Variants in TINAG observed in about 807,000 individuals in gnomAD.
TINAG encodes tubulointerstitial nephritis antigen.
In TINAG, 83 loss-of-function variants were observed where a neutral mutation model predicts 72.7. That is an observed-to-expected ratio of 1.14 (90% CI 0.96 to 1.37). The LOEUF is 1.37. Ranked by LOEUF, TINAG falls within the 40% of genes most tolerant of loss-of-function variation. TINAG has a pLI of 0.00. For synonymous variants in TINAG, 234 were observed against 189.9 expected, an observed-to-expected ratio of 1.23 and a Z score of -1.91; for missense variants, 685 against 576.6, an observed-to-expected ratio of 1.19 and a Z score of -1.93.
At chr6:54,372,734 A>ATG (rs1421837140) in intron 9 of TINAG, among the ~76,000 whole-genome samples, 1 of 4,638 alleles carries the variant, frequency 2.2e-4, no homozygotes, top group Non-Finnish European at 5.5e-4. Flanking sequence ...ATACATATAT[A>ATG]TATATATATA....
chr6:54,349,814 A>T lies in TINAG; in HGVS notation c.998A>T (p.His333Leu). The change falls in exon 7 of 11, where the codon CAT becomes CTT. Residue 333 changes from histidine (H) to leucine (L), a missense_variant. His to Leu is a moderately conservative substitution (Grantham distance 99, BLOSUM62 -3). Coordinates refer to ENST00000259782, the MANE Select transcript of TINAG (RefSeq NM_014464.4). ...ASRSDGRGKR[H>L]ATKPCPNNVE... ...AGGTCTGATGGGCGAGGAAAACGGCATGCCACGAAGCCATGTCCCAACAAC... is the reference window on the plus strand; with the variant it reads ...AGGTCTGATGGGCGAGGAAAACGGCTTGCCACGAAGCCATGTCCCAACAAC... The T allele has an allele frequency of 6.2e-7, 1 of 1,611,386 alleles. No homozygotes were observed. The highest frequency in any genetic ancestry group is 8.5e-7 in the Non-Finnish European group (1 of 1,178,308).
chr6:54,362,550 G>A (rs940482625), intron 9 of TINAG, among the ~76,000 whole-genome samples: 2 of 151,640 alleles, frequency 1.3e-5, no homozygotes, highest in African/African-American at 4.8e-5. Flanking sequence ...TGATGGAGAT[G>A]TACAAGGAGA....
At chr6:54,384,712 A>T (rs1409342088) in intron 10 of TINAG, among the ~76,000 whole-genome samples, 2 of 152,158 alleles carry the variant, frequency 1.3e-5, no homozygotes, top group South Asian at 2.1e-4. Context: ...TTCCAAAAAA[A>T]CATACACCAA....
chr6:54,360,849 T>TTTG (rs1763210069), intron 9 of TINAG, among the ~76,000 whole-genome samples: 1 of 102,490 alleles, frequency 9.8e-6, no homozygotes, highest in African/African-American at 3.9e-5. Flanking sequence ...GTGTTTTTTT[T>TTTG]TTTTTTTTTT....
intron 9 of TINAG, among the ~76,000 whole-genome samples, chr6:54,359,929 A>G (rs1011540215): frequency 1.3e-5 from 2 of 151,816 alleles, no homozygotes; most frequent in Non-Finnish European, 1.5e-5. Context: ...ACTCCTAAGA[A>G]GTACCTAACT....
intron 10 of TINAG, among the ~76,000 whole-genome samples, chr6:54,383,195 T>C (rs1375203185): frequency 6.6e-6 from 1 of 152,104 alleles, no homozygotes; most frequent in African/African-American, 2.4e-5. Context: ...TAGAATATTT[T>C]TGGGAGAAGT....
intron 4 of TINAG, among the ~76,000 whole-genome samples, chr6:54,342,033 A>C (rs556952222): frequency 6.6e-6 from 1 of 152,202 alleles, no homozygotes; most frequent in East Asian, 1.9e-4. Context: ...ACACTTTCAA[A>C]ACTTGAAAGA....
At chr6:54,377,447 G>A (rs1265405688) in intron 9 of TINAG, among the ~76,000 whole-genome samples, 1 of 152,092 alleles carries the variant, frequency 6.6e-6, no homozygotes, top group Admixed American at 6.6e-5. Context: ...GGGAGGCGGA[G>A]TTTGCTATGA....
chr6:54,366,720 TA>T (rs1763434013), intron 9 of TINAG, among the ~76,000 whole-genome samples: 1 of 151,502 alleles, frequency 6.6e-6, no homozygotes, highest in East Asian at 1.9e-4. Flanking sequence ...GGAAGGCACA[TA>T]ATTCCAAATC....
chr6:54,332,673 G>C (rs1330398281), intron 4 of TINAG, among the ~76,000 whole-genome samples: 2 of 152,144 alleles, frequency 1.3e-5, no homozygotes, highest in Non-Finnish European at 2.9e-5. Flanking sequence ...TCATCAGAGT[G>C]AACAGGCAAC....
At chr6:54,360,957 G>A (rs1763217759) in intron 9 of TINAG, among the ~76,000 whole-genome samples, 1 of 139,986 alleles carries the variant, frequency 7.1e-6, no homozygotes, top group Non-Finnish European at 1.5e-5. Flanking sequence ...TTGAGTCTCT[G>A]TGTTACATTT....
chr6:54,374,307 A>G (rs1453260578), intron 9 of TINAG, among the ~76,000 whole-genome samples: 1 of 152,098 alleles, frequency 6.6e-6, no homozygotes, highest in African/African-American at 2.4e-5. Flanking sequence ...CTGTGATAAA[A>G]TTTGTAGCTT....
intron 9 of TINAG, among the ~76,000 whole-genome samples, chr6:54,380,267 T>TC (rs34048558): frequency 0.39 from 59,104 of 151,922 alleles, 13,511 homozygotes; most frequent in Middle Eastern, 0.54. Context: ...CCTTAGTCTT[T>TC]CTCTCCTGTG....
At chr6:54,355,019 G>C (rs951126154) in intron 9 of TINAG, among the ~76,000 whole-genome samples, 1 of 151,920 alleles carries the variant, frequency 6.6e-6, no homozygotes, top group Non-Finnish European at 1.5e-5. Context: ...TAAGCAGGAA[G>C]AGAAGGTCAC....
intron 9 of TINAG, among the ~76,000 whole-genome samples, chr6:54,357,454 C>A (rs1763088196): frequency 1.3e-5 from 2 of 151,898 alleles, no homozygotes; most frequent in Admixed American, 6.6e-5. Flanking sequence ...CACCTGGATA[C>A]CTTATTAGGG....
chr6:54,331,845 A>G (rs1202051871), intron 4 of TINAG, among the ~76,000 whole-genome samples: 1 of 152,180 alleles, frequency 6.6e-6, no homozygotes, highest in Non-Finnish European at 1.5e-5. Context: ...TCATGAGTGA[A>G]CTCTCATTCA....
intron 1 of TINAG, among the ~76,000 whole-genome samples, chr6:54,312,826 G>A (rs1315404602): frequency 2.0e-5 from 3 of 152,168 alleles, no homozygotes; most frequent in Non-Finnish European, 1.5e-5. Context: ...TAGTGAGAGA[G>A]ATGAGTGGTG....
At chr6:54,320,869 ATG>A (rs1784475293) in intron 2 of TINAG, among the ~76,000 whole-genome samples, 1 of 152,174 alleles carries the variant, frequency 6.6e-6, no homozygotes, top group Non-Finnish European at 1.5e-5. Context: ...GTTCTTGACA[ATG>A]GGTCTTCATC....
At chr6:54,370,931 T>A (rs964580316) in intron 9 of TINAG, among the ~76,000 whole-genome samples, 6 of 152,084 alleles carry the variant, frequency 3.9e-5, no homozygotes, top group African/African-American at 1.4e-4. Context: ...TCTGTTCCAC[T>A]CCGTAAGTGC....
Sources: gnomAD v4.1 joint callset for allele counts (sites outside exome capture counted in the v4.1 genomes callset) on GRCh38, gnomAD v4.1.1 for gene constraint, MANE v1.5 for transcripts, NCBI Gene and HGNC (gene_info 2026-07-23, HGNC 2026-07-21) for gene names.